DHRSX: variants seen among roughly 807,000 people sequenced by gnomAD.
DHRSX encodes polyprenol dehydrogenase.
In DHRSX, 31 loss-of-function variants were observed where a neutral mutation model predicts 34.0. That is an observed-to-expected ratio of 0.91 (90% CI 0.69 to 1.23). DHRSX has a LOEUF of 1.23. Among genes scored for constraint, DHRSX ranks in the 50% most tolerant of loss-of-function variants. DHRSX has a pLI of 0.00. For missense variants in DHRSX, 414 were observed against 428.1 expected (o/e 0.97, Z 0.29); for synonymous variants, 201 against 183.8 (o/e 1.09, Z -0.76).
chrX:2,323,156 G>C (rs1423692223), intron 3 of DHRSX, among the ~76,000 whole-genome samples: 2 of 152,084 alleles, frequency 1.3e-5, no homozygotes, highest in Admixed American at 6.6e-5. Flanking sequence ...AGCTCAAAGA[G>C]GTACAAGAAC....
chrX:2,464,343 C>T (rs866754850), intron 1 of DHRSX, among the ~76,000 whole-genome samples: 1 of 67,144 alleles, frequency 1.5e-5, no homozygotes, highest in Non-Finnish European at 3.2e-5. Context: ...GCAATCCGGC[C>T]AAGGGCCGCT....
intron 1 of DHRSX, chrX:2,488,203 G>A (rs1483526034): frequency 1.8e-5 from 3 of 165,226 alleles, no homozygotes; most frequent in Non-Finnish European, 3.9e-5. Context: ...TTCTTTTTGA[G>A]AGAGTCTCGC....
At chrX:2,254,420 CT>C (rs1201389941) in intron 5 of DHRSX, among the ~76,000 whole-genome samples, 1 of 152,188 alleles carries the variant, frequency 6.6e-6, no homozygotes, top group African/African-American at 2.4e-5. Flanking sequence ...ATGACAATCA[CT>C]GTTTTAATGA....
intron 5 of DHRSX, among the ~76,000 whole-genome samples, chrX:2,246,704 AAGAGAAAGAAAG>A (rs2016295936): frequency 2.6e-5 from 2 of 76,656 alleles, no homozygotes; most frequent in African/African-American, 1.2e-4. Flanking sequence ...AAAAGAAAGA[AAGAGAAAGAAAG>A]AAAGAAAGAA....
chrX:2,484,931 T>C (rs1003016067), intron 1 of DHRSX, among the ~76,000 whole-genome samples: 2 of 151,724 alleles, frequency 1.3e-5, no homozygotes, highest in Admixed American at 1.3e-4. Context: ...ACCGGCTCCT[T>C]CCCACCAGCT....
intron 1 of DHRSX, among the ~76,000 whole-genome samples, chrX:2,455,072 A>G (rs1226340738): frequency 1.3e-5 from 2 of 150,686 alleles, no homozygotes; most frequent in Non-Finnish European, 3.0e-5. Flanking sequence ...AGATCACACA[A>G]TTGAACTCCA....
At chrX:2,229,061 C>A (rs988052724) in intron 6 of DHRSX, among the ~76,000 whole-genome samples, 6 of 152,172 alleles carry the variant, frequency 3.9e-5, no homozygotes, top group African/African-American at 1.2e-4. Flanking sequence ...CACGCAGAGG[C>A]TCGTTCGCCT....
chrX:2,238,261 G>A (rs1247860174), intron 6 of DHRSX, among the ~76,000 whole-genome samples: 1 of 152,120 alleles, frequency 6.6e-6, no homozygotes, highest in Non-Finnish European at 1.5e-5. Context: ...GGAGGTGGAG[G>A]TGGGGTGATC....
chrX:2,474,374 A>G (rs68024527), intron 1 of DHRSX, among the ~76,000 whole-genome samples: 31,052 of 151,464 alleles, frequency 0.21, 4,180 homozygotes, highest in African/African-American at 0.39. Context: ...CCAAGGGACC[A>G]CTGCCATGTA....
At position 2,327,695 on chromosome X, in the gene DHRSX, C is replaced by A. The variant is rs2042402943; in HGVS notation, c.287-36092G>T. ...TAACGCCCAGGACCTCAGAATGTCA[C>A]CATATTTGGAGATAGTCTTTAAAGA... On this transcript the variant is annotated intron_variant, in intron 3 of 6. Coordinates refer to ENST00000334651, the MANE Select transcript of DHRSX (RefSeq NM_145177.3). Among the ~76,000 whole-genome samples the A allele has an allele frequency of 3.9e-5, 6 of 152,232 alleles. No individual in the cohort carries two copies. The South Asian group carries it at 1.2e-3, about 32-fold the overall frequency.
chrX:2,258,448 A>G (rs1051937570), intron 5 of DHRSX, among the ~76,000 whole-genome samples: 7 of 152,002 alleles, frequency 4.6e-5, no homozygotes, highest in Middle Eastern at 3.4e-3. Context: ...ATTCTGTGAT[A>G]GCAGCCTGAA....
chrX:2,312,969 A>C (rs1241675296), intron 3 of DHRSX, among the ~76,000 whole-genome samples: 1 of 151,874 alleles, frequency 6.6e-6, no homozygotes, highest in Non-Finnish European at 1.5e-5. Flanking sequence ...TTGTTCCTGT[A>C]AGCAACCCCA....
At chrX:2,247,249 C>G (rs2016319941) in intron 5 of DHRSX, among the ~76,000 whole-genome samples, 1 of 152,076 alleles carries the variant, frequency 6.6e-6, no homozygotes, top group Admixed American at 6.6e-5. Flanking sequence ...GTACATGGCC[C>G]TGGTATTGGT....
Position 2,347,423 on chromosome X carries a change from G to T in DHRSX, c.287-55820C>A, listed in dbSNP as rs2042734275. Among the ~76,000 whole-genome samples, 3 of 152,342 alleles carry T rather than the reference G, an allele frequency of 2.0e-5. No individual in the cohort carries two copies. In the Middle Eastern group the frequency reaches 0.01, roughly 518 times the overall value. On this transcript the variant is annotated intron_variant, in intron 3 of 6. Coordinates refer to ENST00000334651, the MANE Select transcript of DHRSX (RefSeq NM_145177.3). Reference sequence around the variant, plus strand: ...AAGATGAGATTTGGGGCCGGGCGCGGTGGCTCACGCCTGTAATCCCAGCAC... The same window carrying T: ...AAGATGAGATTTGGGGCCGGGCGCGTTGGCTCACGCCTGTAATCCCAGCAC...
At chrX:2,468,416 C>G (rs1011760011) in intron 1 of DHRSX, among the ~76,000 whole-genome samples, 2 of 150,606 alleles carry the variant, frequency 1.3e-5, no homozygotes, top group African/African-American at 2.4e-5. Flanking sequence ...ACAGAGGAAA[C>G]GGATACCACA....
intron 3 of DHRSX, among the ~76,000 whole-genome samples, chrX:2,339,463 T>C (rs1052474261): frequency 9.2e-5 from 14 of 151,944 alleles, no homozygotes; most frequent in African/African-American, 3.4e-4. Flanking sequence ...TAGTGGTGAT[T>C]TGTGAGATTT....
At chrX:2,254,330 G>T (rs1221253399) in intron 5 of DHRSX, among the ~76,000 whole-genome samples, 3 of 152,126 alleles carry the variant, frequency 2.0e-5, no homozygotes, top group Admixed American at 2.0e-4. Context: ...TAATCAAATT[G>T]CCAATGCAAT....
intron 3 of DHRSX, among the ~76,000 whole-genome samples, chrX:2,333,073 CT>C (rs1282299920): frequency 6.6e-6 from 1 of 151,548 alleles, no homozygotes; most frequent in African/African-American, 2.4e-5. Flanking sequence ...ACCCATTCCC[CT>C]GTTTTCTTGC....
intron 3 of DHRSX, among the ~76,000 whole-genome samples, chrX:2,359,448 C>T (rs1425782407): frequency 7.9e-5 from 12 of 152,000 alleles, no homozygotes; most frequent in South Asian, 6.2e-4. Context: ...GAGGCCAAGG[C>T]GGGTGGATCG....
Sources: gnomAD v4.1 joint callset for allele counts (sites outside exome capture counted in the v4.1 genomes callset) on GRCh38, gnomAD v4.1.1 for gene constraint, MANE v1.5 for transcripts, NCBI Gene and HGNC (gene_info 2026-07-23, HGNC 2026-07-21) for gene names.